The following COXFA4L2 variants were observed in gnomAD, a reference collection of about 807,000 sequenced individuals.
COXFA4L2 encodes NADH dehydrogenase (ubiquinone) 1 alpha subcomplex, 4-like 2.
At chr12:57,240,569 GCA>G in the COXFA4L2 span, 32 of 588,764 alleles carry the variant, frequency 5.4e-5, no homozygotes, top group Non-Finnish European at 6.0e-5. Flanking sequence ...CCCGGCGCGC[GCA>G]CACACACACT....
At chr12:57,237,631 C>T in the COXFA4L2 span, among the ~76,000 whole-genome samples, 2 of 152,188 alleles carry the variant, frequency 1.3e-5, no homozygotes, top group Non-Finnish European at 1.5e-5. Context: ...GTAAAGCTCC[C>T]CCAGCCCCTC....
chr12:57,237,187 C>A, the COXFA4L2 span: 44 of 1,603,132 alleles, frequency 2.7e-5, no homozygotes, highest in Non-Finnish European at 3.3e-5. Flanking sequence ...CCCAGAGCAG[C>A]TTAGCTTGGC....
chr12:57,237,392 A>G, the COXFA4L2 span: 6 of 1,324,184 alleles, frequency 4.5e-6, no homozygotes, highest in East Asian at 3.1e-5. Context: ...GAAGGACCTC[A>G]GTGGCATAGG....
At chr12:57,239,597 C>G in the COXFA4L2 span, 3 of 152,490 alleles carry the variant, frequency 2.0e-5, no homozygotes, top group African/African-American at 7.2e-5. This position sits in a 1 kb window ranked among gnomAD's most constrained non-coding sequence, Gnocchi z 5.5. Flanking sequence ...CCTAAGCCCT[C>G]TGACCCGGCC....
chr12:57,236,953 C>T, the COXFA4L2 span: 1 of 1,588,568 alleles, frequency 6.3e-7, no homozygotes, highest in Non-Finnish European at 8.6e-7. Context: ...GGGCACAAGG[C>T]AAGGCATTGG....
At chr12:57,239,203 A>AG in the COXFA4L2 span, among the ~76,000 whole-genome samples, 1 of 152,228 alleles carries the variant, frequency 6.6e-6, no homozygotes, top group East Asian at 1.9e-4. This position sits in a 1 kb window ranked among gnomAD's most constrained non-coding sequence, Gnocchi z 5.5. Flanking sequence ...AGCGTGTTGC[A>AG]GGGGCCGTGG....
At chr12:57,237,389 C>T in the COXFA4L2 span, 923 of 1,335,936 alleles carry the variant, frequency 6.9e-4, no homozygotes, top group Non-Finnish European at 8.5e-4. Context: ...AGGGAAGGAC[C>T]TCAGTGGCAT....
the COXFA4L2 span, chr12:57,236,321 C>T: frequency 2.1e-6 from 1 of 477,540 alleles, no homozygotes; most frequent in Non-Finnish European, 3.7e-6. Context: ...AGCCCAAGCC[C>T]ACCGCTGGCT....
the COXFA4L2 span, among the ~76,000 whole-genome samples, chr12:57,239,126 C>A: frequency 6.6e-6 from 1 of 152,246 alleles, no homozygotes; most frequent in African/African-American, 2.4e-5. The surrounding 1 kb of genome is among the most constrained non-coding windows in gnomAD (Gnocchi z 5.5). Flanking sequence ...AGCGCTAACC[C>A]GCACCAGGAT....
chr12:57,238,100 C>A, the COXFA4L2 span, among the ~76,000 whole-genome samples: 2 of 152,106 alleles, frequency 1.3e-5, no homozygotes, highest in Non-Finnish European at 2.9e-5. This position sits in a 1 kb window ranked among gnomAD's most constrained non-coding sequence, Gnocchi z 6.8. Context: ...CCTCCACCAC[C>A]CCCTCCCTCC....
At chr12:57,240,552 G>C in the COXFA4L2 span, 1 of 385,864 alleles carries the variant, frequency 2.6e-6, no homozygotes. Context: ...GGGGGCGGGA[G>C]ACTCACCCCG....
At chr12:57,236,569 G>A in the COXFA4L2 span, 14 of 1,545,808 alleles carry the variant, frequency 9.1e-6, no homozygotes, top group East Asian at 3.3e-4. Flanking sequence ...AGGCCCCCGT[G>A]AGCATCCCAA....
At chr12:57,237,029 C>G in the COXFA4L2 span, 5 of 1,614,098 alleles carry the variant, frequency 3.1e-6, no homozygotes, top group Admixed American at 6.7e-5. Flanking sequence ...GAGGACTCAC[C>G]CCCGGATGTC....
the COXFA4L2 span, chr12:57,236,995 A>T: frequency 6.2e-7 from 1 of 1,613,480 alleles, no homozygotes; most frequent in Non-Finnish European, 8.5e-7. Context: ...CAGGAGAGTT[A>T]GGAGTTAGAG....
the COXFA4L2 span, chr12:57,236,947 AC>A: frequency 6.3e-7 from 1 of 1,577,038 alleles, no homozygotes; most frequent in Non-Finnish European, 8.7e-7. Context: ...GGACCTGGGC[AC>A]AAGGCAAGGC....
At chr12:57,236,435 G>A in the COXFA4L2 span, 1 of 597,198 alleles carries the variant, frequency 1.7e-6, no homozygotes. Context: ...AGGGGATACG[G>A]GGGTCTCCCA....
At chr12:57,237,942 AAT>A in the COXFA4L2 span, 1 of 154,432 alleles carries the variant, frequency 6.5e-6, no homozygotes, top group South Asian at 2.0e-4. Context: ...CAGACACAGA[AAT>A]GCAAGCGATT....
At chr12:57,237,805 C>A in the COXFA4L2 span, 1 of 154,454 alleles carries the variant, frequency 6.5e-6, no homozygotes, top group Admixed American at 6.5e-5. Flanking sequence ...CTCTGCCTAC[C>A]TGGGGTAGGG....
the COXFA4L2 span, chr12:57,236,083 C>CCTA: frequency 2.5e-6 from 1 of 395,748 alleles, no homozygotes; most frequent in South Asian, 9.8e-5. Flanking sequence ...TGCCTGCCAC[C>CCTA]CTAGGTTAAC....
Sources: gnomAD v4.1 joint callset for allele counts (sites outside exome capture counted in the v4.1 genomes callset) on GRCh38, gnomAD v4.1.1 for gene constraint, Gnocchi (gnomAD v3.1) non-coding constraint, MANE v1.5 for transcripts, NCBI Gene and HGNC (gene_info 2026-07-23, HGNC 2026-07-21) for gene names.